DLGAP2: variants seen among roughly 807,000 people sequenced by gnomAD.
DLGAP2 encodes the protein DLG associated protein 2.
In DLGAP2, 26 loss-of-function variants were observed where a neutral mutation model predicts 100.3. The observed-to-expected ratio is 0.26, with a 90% confidence interval of 0.19 to 0.36. DLGAP2 has a LOEUF of 0.36. DLGAP2 is among the 10% of genes least tolerant of loss of function. The pLI is 1.00. For synonymous variants in DLGAP2, 886 were observed against 630.1 expected, an observed-to-expected ratio of 1.41 and a Z score of -6.08; for missense variants, 1,858 against 1,453.2, an observed-to-expected ratio of 1.28 and a Z score of -4.53.
chr8:1,668,465 G>T lies in DLGAP2; in HGVS notation c.1947G>T (p.Arg649Ser). The change falls in exon 9 of 15, where the codon AGG (arginine) becomes AGT (serine). Residue 649 changes from arginine to serine, a missense_variant. By Grantham distance (110) the Arg-to-Ser change is moderately radical. Coordinates refer to ENST00000637795, the MANE Select transcript of DLGAP2 (RefSeq NM_001346810.2). ...QDAYQDSRAQ[R>S]MSPWPQDSRG... Reference sequence around the variant, plus strand: ...CCTACCAGGACAGCCGCGCACAGAGGATGTCCCCGTGGCCCCAGGACAGCC... The same window carrying T: ...CCTACCAGGACAGCCGCGCACAGAGTATGTCCCCGTGGCCCCAGGACAGCC... 2 of 1,594,936 alleles carry T rather than the reference G, an allele frequency of 1.3e-6. No individual in the cohort carries two copies. The highest frequency in any genetic ancestry group is 1.1e-5 in the South Asian group (1 of 87,776).
chr8:1,410,659 A>C (rs535999142), intron 3 of DLGAP2, among the ~76,000 whole-genome samples: 1 of 152,230 alleles, frequency 6.6e-6, no homozygotes, highest in African/African-American at 2.4e-5. Context: ...GCAGCAGCAC[A>C]TAAGTGTGTT....
intron 6 of DLGAP2, among the ~76,000 whole-genome samples, chr8:1,616,005 A>G (rs1474047536): frequency 1.3e-5 from 2 of 152,004 alleles, no homozygotes; most frequent in Non-Finnish European, 2.9e-5. Flanking sequence ...AAGGTTAAAG[A>G]TGTTAAAGGA....
At chr8:822,289 G>A (rs971846263) in intron 1 of DLGAP2, 6 of 398,988 alleles carry the variant, frequency 1.5e-5, no homozygotes, top group African/African-American at 6.2e-5. Context: ...TGCTCCACCC[G>A]GGGAGGGGCA....
intron 2 of DLGAP2, among the ~76,000 whole-genome samples, chr8:1,038,818 C>T (rs1026023665): frequency 3.9e-5 from 6 of 152,142 alleles, no homozygotes; most frequent in African/African-American, 1.4e-4. Context: ...CTCATGGAAA[C>T]ATCCATGTTT....
intron 6 of DLGAP2, among the ~76,000 whole-genome samples, chr8:1,618,828 G>A (rs1797239611): frequency 6.6e-6 from 1 of 152,130 alleles, no homozygotes; most frequent in Admixed American, 6.5e-5. Flanking sequence ...GGCCCTCTGT[G>A]CACTGTAGGA....
intron 1 of DLGAP2, among the ~76,000 whole-genome samples, chr8:827,362 C>T (rs1408399943): frequency 1.3e-5 from 2 of 152,166 alleles, no homozygotes; most frequent in South Asian, 2.1e-4. Context: ...AGCAGACTTG[C>T]ATGCAAATTC....
chr8:1,027,885 G>C (rs1480554101), intron 2 of DLGAP2, among the ~76,000 whole-genome samples: 1 of 143,332 alleles, frequency 7.0e-6, no homozygotes, highest in African/African-American at 2.6e-5. Context: ...TTCTCCAGGT[G>C]GGGTGCCAGG....
At chr8:1,117,668 G>A (rs1409855517) in intron 2 of DLGAP2, among the ~76,000 whole-genome samples, 1 of 152,190 alleles carries the variant, frequency 6.6e-6, no homozygotes, top group Non-Finnish European at 1.5e-5. Flanking sequence ...CTTACCCTGT[G>A]GTTGCCGGAG....
intron 1 of DLGAP2, chr8:822,276 G>GACAGT: frequency 5.0e-6 from 2 of 399,426 alleles, no homozygotes; most frequent in Non-Finnish European, 8.8e-6. Context: ...CTGCTGTGAT[G>GACAGT]GGTGCTCCAC....
chr8:1,423,025 A>G (rs1374350628), intron 3 of DLGAP2, among the ~76,000 whole-genome samples: 1 of 152,206 alleles, frequency 6.6e-6, no homozygotes, highest in Non-Finnish European at 1.5e-5. Flanking sequence ...ATCAGGATAC[A>G]TGGTGCTCAT....
intron 3 of DLGAP2, among the ~76,000 whole-genome samples, chr8:1,428,549 A>G (rs756133937): frequency 7.2e-5 from 11 of 151,790 alleles, no homozygotes; most frequent in Non-Finnish European, 1.6e-4. Context: ...AAAGAAAATT[A>G]TAGGTCAGAT....
intron 2 of DLGAP2, among the ~76,000 whole-genome samples, chr8:1,223,207 C>G (rs1243133709): frequency 6.6e-6 from 1 of 152,148 alleles, no homozygotes; most frequent in East Asian, 1.9e-4. Flanking sequence ...GCCCAGCAAC[C>G]CTGTCCAGGG....
intron 6 of DLGAP2, among the ~76,000 whole-genome samples, chr8:1,572,033 GAGGGTGA>G (rs1802726936): frequency 7.4e-6 from 1 of 134,598 alleles, no homozygotes; most frequent in Admixed American, 7.3e-5. Flanking sequence ...GGAGAGGAGA[GAGGGTGA>G]ACTGTGGGGA....
chr8:1,439,279 G>A (rs1797753749), intron 3 of DLGAP2, among the ~76,000 whole-genome samples: 1 of 152,218 alleles, frequency 6.6e-6, no homozygotes, highest in African/African-American at 2.4e-5. Context: ...ATGGAAGAGG[G>A]AAGGGAAGGA....
chr8:1,076,488 C>T (rs1295244351), intron 2 of DLGAP2, among the ~76,000 whole-genome samples: 2 of 152,158 alleles, frequency 1.3e-5, no homozygotes, highest in African/African-American at 2.4e-5. Context: ...GCAGATCTGC[C>T]GCTCATGGCC....
At chr8:744,354 A>C (rs1437368615) in intron 1 of DLGAP2, among the ~76,000 whole-genome samples, 2 of 152,252 alleles carry the variant, frequency 1.3e-5, no homozygotes, top group South Asian at 4.2e-4. Flanking sequence ...TCTGTGAGGA[A>C]GGGTCTTGAT....
At chr8:1,442,167 G>A (rs1398737613) in intron 3 of DLGAP2, among the ~76,000 whole-genome samples, 2 of 151,296 alleles carry the variant, frequency 1.3e-5, no homozygotes, top group Non-Finnish European at 3.0e-5. Context: ...GCCACTGGAG[G>A]AGGAGATGGA....
intron 3 of DLGAP2, among the ~76,000 whole-genome samples, chr8:1,499,339 G>T (rs997436606): frequency 1.3e-5 from 2 of 152,216 alleles, no homozygotes; most frequent in African/African-American, 4.8e-5. Context: ...GTCTCTGTGT[G>T]CATGTGTGCT....
At chr8:1,194,897 T>G (rs1797716518) in intron 2 of DLGAP2, among the ~76,000 whole-genome samples, 1 of 152,240 alleles carries the variant, frequency 6.6e-6, no homozygotes, top group Non-Finnish European at 1.5e-5. Context: ...TGCTCACGCT[T>G]TGCTGCTGAG....
Sources: allele counts gnomAD v4.1 joint callset (sites outside exome capture counted in the v4.1 genomes callset), GRCh38; gene constraint gnomAD v4.1.1; transcripts MANE v1.5; gene names NCBI Gene and HGNC (gene_info 2026-07-23, HGNC 2026-07-21).